FHIP1A: variants seen among roughly 807,000 people sequenced by gnomAD.
FHIP1A encodes the protein FHF complex subunit HOOK-interacting protein 1A.
In FHIP1A, 61 loss-of-function variants were observed where a neutral mutation model predicts 88.6. That is an observed-to-expected ratio of 0.69 (90% CI 0.56 to 0.85). The LOEUF (loss-of-function observed/expected upper bound fraction) is 0.85. Ranked by LOEUF, FHIP1A falls within the 40% of genes least tolerant of loss-of-function variation. The pLI is 0.00. For synonymous variants in FHIP1A, 478 were observed against 496.0 expected (o/e 0.96, Z 0.48); for missense variants, 1,154 against 1,273.5 (o/e 0.91, Z 1.43).
chr4:151,642,932 TTATA>T, intron 9 of FHIP1A, among the ~76,000 whole-genome samples: 1 of 148,512 alleles, frequency 6.7e-6, no homozygotes. Context: ...TATTTATATA[TTATA>T]TATATATTTT....
intron 2 of FHIP1A, among the ~76,000 whole-genome samples, chr4:151,465,150 G>C (rs1021321824): frequency 6.6e-6 from 1 of 152,106 alleles, no homozygotes; most frequent in East Asian, 1.9e-4. Context: ...AGCTGTGATC[G>C]CACCATTGCA....
rs925339996 is a variant in FHIP1A at position 151,665,797 on chromosome 4, TG to T, written c.*3049del. Among the ~76,000 whole-genome samples, 37 of 152,310 alleles carry T rather than the reference TG, an allele frequency of 2.4e-4. No individual in the cohort carries two copies. The highest frequency in any genetic ancestry group is 7.0e-4 in the African/African-American group (29 of 41,560). On this transcript the variant is annotated 3_prime_UTR_variant, in exon 14 of 14. Transcript: ENST00000435205. The stretch of plus-strand genomic sequence containing the variant: ...AGAAATATCTTTTTTTATAATGAGT[TG>T]GGGGGAAAATCTTAAATATGTTTGG...
At chr4:151,587,517 C>CTT (rs140507520) in intron 6 of FHIP1A, among the ~76,000 whole-genome samples, 3 of 148,082 alleles carry the variant, frequency 2.0e-5, no homozygotes, top group Middle Eastern at 3.5e-3. Context: ...TTTTCTCGGC[C>CTT]TTTTTTTTTA....
Position 151,553,463 on chromosome 4 carries a change from G to C in FHIP1A, c.-122-12675G>C, listed in dbSNP as rs193045787. Among the ~76,000 whole-genome samples the C allele has an allele frequency of 2.0e-5, 3 of 152,254 alleles. No homozygotes were observed. In the East Asian group the frequency reaches 5.8e-4, roughly 29 times the overall value. On this transcript the variant is annotated intron_variant, in intron 3 of 13. Transcript: ENST00000435205. The stretch of plus-strand genomic sequence containing the variant: ...TACAGTTAATGTATCCTTTCCTTTA[G>C]AATGAAGTAATTAATTGAGATACTT...
At chr4:151,545,116 T>G (rs2126733848) in intron 3 of FHIP1A, among the ~76,000 whole-genome samples, 1 of 152,296 alleles carries the variant, frequency 6.6e-6, no homozygotes, top group Admixed American at 6.5e-5. Context: ...TCACTATTTT[T>G]GCATTTTCCA....
At chr4:151,414,092 C>T (rs1732792112) in intron 1 of FHIP1A, among the ~76,000 whole-genome samples, 1 of 151,926 alleles carries the variant, frequency 6.6e-6, no homozygotes, top group Non-Finnish European at 1.5e-5. Flanking sequence ...ACTCTGTCGC[C>T]CAGGCTGGAG....
Position 151,656,021 on chromosome 4 carries a change from A to G in FHIP1A, c.2552-211A>G, listed in dbSNP as rs1198194162. 2.6e-5 allele frequency among the ~76,000 whole-genome samples: 4 copies of G among 152,152 alleles called. No individual in the cohort carries two copies. The East Asian group carries it at 7.7e-4, about 29-fold the overall frequency. Reference sequence around the variant, plus strand: ...TCATGGAGTGAAAATGTCAGTAGCCATGCCTATTTTTCTGTTTTCTTTTTG... The same window carrying G: ...TCATGGAGTGAAAATGTCAGTAGCCGTGCCTATTTTTCTGTTTTCTTTTTG... On this transcript the variant is annotated intron_variant, in intron 11 of 13. Transcript: ENST00000435205. This position sits in a 1 kb window ranked among gnomAD's most constrained non-coding sequence, Gnocchi z 4.2.
chr4:151,656,517 C>A lies in FHIP1A; in HGVS notation c.2730+107C>A, dbSNP rs1021813423. On this transcript the variant is annotated intron_variant, in intron 12 of 13. Transcript: ENST00000435205. This position sits in a 1 kb window ranked among gnomAD's most constrained non-coding sequence, Gnocchi z 4.2. ...TTTCAAAAATTCCTTTGCTCTAATT[C>A]ATTTGCTTTCCTTCCCTGTCCTATT... 1.7e-6 allele frequency: 2 copies of A among 1,195,476 alleles called. No homozygotes were observed. The highest frequency in any genetic ancestry group is 2.3e-6 in the Non-Finnish European group (2 of 856,480). The allele number at this position is 1,195,476 out of a possible 1,614,324, so 74.1% of individuals were successfully genotyped here. A position where few individuals can be genotyped will look rare whatever the true frequency, so the allele number is the denominator to read the frequency against.
At chr4:151,645,744 G>A (rs564818836) in intron 9 of FHIP1A, among the ~76,000 whole-genome samples, 4 of 151,384 alleles carry the variant, frequency 2.6e-5, no homozygotes, top group African/African-American at 9.7e-5. Context: ...TTTTTTCCCT[G>A]TTAAGAAAGT....
chr4:151,465,232 A>C (rs896141707), intron 2 of FHIP1A, among the ~76,000 whole-genome samples: 1 of 152,102 alleles, frequency 6.6e-6, no homozygotes, highest in Non-Finnish European at 1.5e-5. Context: ...ACCATCAGAG[A>C]ATACTATAAA....
intron 7 of FHIP1A, among the ~76,000 whole-genome samples, chr4:151,616,806 G>A (rs1311262566): frequency 6.6e-6 from 1 of 152,054 alleles, no homozygotes; most frequent in Admixed American, 6.5e-5. Flanking sequence ...GGAGTGCAGT[G>A]GCACAATATT....
chr4:151,465,652 G>A (rs950939818), intron 2 of FHIP1A, among the ~76,000 whole-genome samples: 17 of 152,292 alleles, frequency 1.1e-4, no homozygotes, highest in Admixed American at 7.2e-4. Context: ...AAATCCAGCA[G>A]CACATCAAAA....
intron 7 of FHIP1A, among the ~76,000 whole-genome samples, chr4:151,591,755 C>T (rs1440500781): frequency 6.6e-6 from 1 of 152,158 alleles, no homozygotes; most frequent in Non-Finnish European, 1.5e-5. Context: ...CCAGCTTCAT[C>T]CATGTCCCTG....
intron 2 of FHIP1A, among the ~76,000 whole-genome samples, chr4:151,466,426 AG>A (rs2126608591): frequency 6.6e-6 from 1 of 152,350 alleles, no homozygotes; most frequent in South Asian, 2.1e-4. Context: ...TTATAGATTC[AG>A]TGCTATTCCC....
intron 5 of FHIP1A, among the ~76,000 whole-genome samples, chr4:151,583,653 G>A (rs1734104413): frequency 6.6e-6 from 1 of 152,200 alleles, no homozygotes. Context: ...GAGCCTCAAA[G>A]TGGTTAAGAA....
chr4:151,524,121 C>A (rs1248073889), intron 3 of FHIP1A, among the ~76,000 whole-genome samples: 2 of 152,088 alleles, frequency 1.3e-5, no homozygotes, highest in Admixed American at 6.5e-5. Context: ...ACCATCCTGG[C>A]TAACACAGTG....
rs1378379473 is a variant in FHIP1A at position 151,664,277 on chromosome 4, C to T, written c.*1523C>T. Among the ~76,000 whole-genome samples, 21 of 152,228 alleles carry T rather than the reference C, an allele frequency of 1.4e-4. No homozygotes were observed. The highest frequency in any genetic ancestry group is 4.8e-4 in the African/African-American group (20 of 41,460). ...TGGTCTTAATCAGGCCTTTCATGCA[C>T]AGGCAGGGCAGTGGCGGAAGAACCA... On this transcript the variant is annotated 3_prime_UTR_variant, in exon 14 of 14. Transcript: ENST00000435205.
At position 151,526,534 on chromosome 4, in the gene FHIP1A, G is replaced by A. The variant is rs865802504; in HGVS notation, c.-122-39604G>A. On this transcript the variant is annotated intron_variant, in intron 3 of 13. Transcript: ENST00000435205. Reference sequence around the variant, plus strand: ...GACGGGGCGGCCGGCCAGGCAGAGGGGCTACTCACTTCCCAGTAGGGGCGG... The same window carrying A: ...GACGGGGCGGCCGGCCAGGCAGAGGAGCTACTCACTTCCCAGTAGGGGCGG... Among the ~76,000 whole-genome samples, 4 of 141,086 alleles carry A rather than the reference G, an allele frequency of 2.8e-5. No homozygotes were observed. The South Asian group carries it at 9.3e-4, about 33-fold the overall frequency. 92.6% of individuals were successfully genotyped at this position (141,086 alleles called of 152,430 possible). A position where few individuals can be genotyped will look rare whatever the true frequency, so the allele number is the denominator to read the frequency against.
intron 1 of FHIP1A, among the ~76,000 whole-genome samples, chr4:151,439,421 GT>G (rs113305609): frequency 2.4e-4 from 35 of 147,358 alleles, no homozygotes; most frequent in South Asian, 6.4e-4. Flanking sequence ...ATTTTAAAAA[GT>G]TTTTTTTTTT....
Sources: gnomAD v4.1 joint callset for allele counts (sites outside exome capture counted in the v4.1 genomes callset) on GRCh38, gnomAD v4.1.1 for gene constraint, Gnocchi (gnomAD v3.1) non-coding constraint, MANE v1.5 for transcripts, NCBI Gene and HGNC (gene_info 2026-07-23, HGNC 2026-07-21) for gene names.